TMED3: variants seen among roughly 807,000 people sequenced by gnomAD.
TMED3 encodes transmembrane emp24 domain-containing protein 3.
Under a neutral mutation model 15.0 loss-of-function variants are expected in TMED3, and 9 were observed. The observed-to-expected ratio is 0.60, with a 90% confidence interval of 0.36 to 1.04. The LOEUF (loss-of-function observed/expected upper bound fraction) is 1.04. Ranked by LOEUF, TMED3 falls within the 50% of genes least tolerant of loss-of-function variation. TMED3 has a pLI of 0.01. For synonymous variants in TMED3, 117 were observed against 121.4 expected (o/e 0.96, Z 0.24); for missense variants, 267 against 278.9 (o/e 0.96, Z 0.30).
intron 2 of TMED3, among the ~76,000 whole-genome samples, chr15:79,366,253 C>T (rs1236126762): frequency 1.3e-5 from 2 of 152,218 alleles, no homozygotes; most frequent in Non-Finnish European, 2.9e-5. Context: ...AGCCCAAGAA[C>T]TATCCTATAA....
At chr15:79,385,547 A>G (rs1893614855) in intron 2 of TMED3, among the ~76,000 whole-genome samples, 1 of 152,068 alleles carries the variant, frequency 6.6e-6, no homozygotes, top group Admixed American at 6.5e-5. Context: ...TGGAAGGAGC[A>G]GGACTCCTGC....
intron 2 of TMED3, among the ~76,000 whole-genome samples, chr15:79,332,887 C>A (rs1311860695): frequency 1.3e-5 from 2 of 152,076 alleles, no homozygotes; most frequent in Non-Finnish European, 2.9e-5. Context: ...AACTTTCAGG[C>A]TCACCTCCTC....
At position 79,322,093 on chromosome 15, in the gene TMED3, G is replaced by T. The variant is rs199497936; in HGVS notation, c.533G>T (p.Arg178Leu). The change falls in exon 3 of 3, where the codon CGA becomes CTA. Residue 178 changes from arginine to leucine, a missense_variant. Physicochemically the swap from Arg to Leu is moderately radical, Grantham distance 102. Around this residue, in one of 3 missense-constraint regions of TMED3, gnomAD observed 139 missense variants for 125.0 expected, o/e 1.11. Coordinates refer to ENST00000299705, the MANE Select transcript of TMED3 (RefSeq NM_007364.4). ...DRARAEDLNS[R>L]VSYWSVGETI... ...GCCCGAGCAGAAGACCTTAATAGCC[G>T]AGTCTCTTACTGGTCTGTTGGCGAG... 24 of 1,614,186 alleles carry T rather than the reference G, an allele frequency of 1.5e-5. No homozygotes were observed. Among genetic ancestry groups the T allele is most frequent in the Non-Finnish European group, 1.9e-5 (22 of 1,180,032 alleles).
chr15:79,313,799 G>A lies in TMED3; in HGVS notation c.211G>A (p.Asp71Asn). ...GHYDVDCYVE[D>N]PQGNTIYRET... is the part of the protein sequence containing the mutation. ...CTACGATGTTGACTGCTATGTAGAG[G>A]ACCCCCAGGGGAACACCATCTACAG... The change falls in exon 2 of 3, where the codon GAC becomes AAC. Residue 71 changes from aspartate to asparagine, a missense_variant. By Grantham distance (23) the Asp-to-Asn change is conservative. This residue lies in a region of TMED3 where 69 missense variants were observed against 106.8 expected (regional missense o/e 0.65). Coordinates refer to ENST00000299705, the MANE Select transcript of TMED3 (RefSeq NM_007364.4). The A allele has an allele frequency of 6.2e-7, 1 of 1,614,176 alleles. No individual in the cohort carries two copies. The highest frequency in any genetic ancestry group is 8.5e-7 in the Non-Finnish European group (1 of 1,180,024).
chr15:79,339,343 A>G (rs2058840768), intron 2 of TMED3, among the ~76,000 whole-genome samples: 1 of 152,066 alleles, frequency 6.6e-6, no homozygotes, highest in South Asian at 2.1e-4. Flanking sequence ...CGGTCTCTGC[A>G]ACTTAGTGGT....
chr15:79,399,291 C>T (rs11072843), intron 2 of TMED3, among the ~76,000 whole-genome samples: 52,399 of 151,984 alleles, frequency 0.34, 9,821 homozygotes, highest in Middle Eastern at 0.52. Context: ...CCCCAAGGCC[C>T]ACTCAAGTGG....
chr15:79,396,754 C>T (rs930312598), intron 2 of TMED3, among the ~76,000 whole-genome samples: 17 of 152,156 alleles, frequency 1.1e-4, no homozygotes, highest in African/African-American at 2.9e-4. Flanking sequence ...AGTGAGACTT[C>T]AGGCAACTGA....
downstream of TMED3, chr15:79,322,880 C>T (rs918574280): frequency 5.1e-6 from 5 of 985,342 alleles, no homozygotes; most frequent in African/African-American, 7.0e-5. Context: ...CTAAAGGACT[C>T]CAGAGCTTAC....
chr15:79,383,372 TC>T, intron 2 of TMED3: 1 of 240,240 alleles, frequency 4.2e-6, no homozygotes, highest in South Asian at 1.1e-4. Flanking sequence ...GGAAGGTCCC[TC>T]ACACCATCCT....
At chr15:79,332,313 G>A (rs1043867195) in intron 2 of TMED3, among the ~76,000 whole-genome samples, 2 of 152,210 alleles carry the variant, frequency 1.3e-5, no homozygotes, top group South Asian at 4.1e-4. Context: ...TGCCCATCAG[G>A]CTCCAAGGGA....
chr15:79,411,733 C>T, exon 3 of TMED3: 2 of 486,030 alleles, frequency 4.1e-6, no homozygotes, highest in South Asian at 2.6e-5. Flanking sequence ...GACACTTGAG[C>T]TGGCAGGGAG....
At chr15:79,325,256 A>G (rs886489561), downstream of TMED3, among the ~76,000 whole-genome samples, 3 of 152,204 alleles carry the variant, frequency 2.0e-5, no homozygotes, top group Admixed American at 6.5e-5. Flanking sequence ...TAAAATAATT[A>G]TGGATCTGCA....
At chr15:79,350,363 C>A (rs1400995640) in intron 2 of TMED3, among the ~76,000 whole-genome samples, 2 of 152,104 alleles carry the variant, frequency 1.3e-5, no homozygotes, top group Non-Finnish European at 2.9e-5. Flanking sequence ...AACAAGGAAG[C>A]CAGTCCGAGT....
At chr15:79,397,750 G>A (rs12593960) in intron 2 of TMED3, among the ~76,000 whole-genome samples, 47,108 of 152,052 alleles carry the variant, frequency 0.31, 8,695 homozygotes, top group Middle Eastern at 0.5. Flanking sequence ...TGAATAAGAC[G>A]TCAGGAGAGG....
At chr15:79,396,608 A>G (rs1279291122) in intron 2 of TMED3, among the ~76,000 whole-genome samples, 2 of 152,170 alleles carry the variant, frequency 1.3e-5, no homozygotes, top group Admixed American at 1.3e-4. Flanking sequence ...TGGACGCTGC[A>G]CGGCGATTTA....
At chr15:79,382,971 C>T (rs1464497670) in intron 2 of TMED3, 2 of 1,535,458 alleles carry the variant, frequency 1.3e-6, no homozygotes, top group Non-Finnish European at 1.7e-6. Flanking sequence ...TTCCAAGGGT[C>T]CCAGTGCTTC....
chr15:79,377,718 G>GC (rs1893454254), intron 2 of TMED3, among the ~76,000 whole-genome samples: 1 of 149,644 alleles, frequency 6.7e-6, no homozygotes, highest in South Asian at 2.1e-4. Context: ...CGCAATCTCG[G>GC]CTCGCTGCAA....
intron 2 of TMED3, among the ~76,000 whole-genome samples, chr15:79,318,928 G>A (rs1318088682): frequency 6.6e-6 from 1 of 152,224 alleles, no homozygotes; most frequent in Admixed American, 6.5e-5. Context: ...AGGATCATTT[G>A]TTCCTTTTTC....
At chr15:79,338,875 G>A (rs931622241) in intron 2 of TMED3, among the ~76,000 whole-genome samples, 1 of 152,090 alleles carries the variant, frequency 6.6e-6, no homozygotes, top group Non-Finnish European at 1.5e-5. Context: ...TAAGTGTCAA[G>A]GAAAAACACC....
Sources: allele counts gnomAD v4.1 joint callset (sites outside exome capture counted in the v4.1 genomes callset), GRCh38; gene constraint gnomAD v4.1.1; regional missense constraint gnomAD v4.1.1; transcripts MANE v1.5; gene names NCBI Gene and HGNC (gene_info 2026-07-23, HGNC 2026-07-21).